Variants in STK39 observed in about 807,000 individuals in gnomAD.
STK39 encodes serine/threonine kinase 39.
A neutral mutation model predicts 77.8 loss-of-function variants in STK39; 20 were observed. That is an observed-to-expected ratio of 0.26 (90% CI 0.18 to 0.37). STK39 has a LOEUF of 0.37. Ranked by LOEUF, STK39 falls within the 10% of genes least tolerant of loss-of-function variation. The pLI, the probability that STK39 is intolerant of heterozygous loss-of-function variation, is 1.00. For missense variants in STK39, 479 were observed against 656.5 expected (o/e 0.73, Z 2.95); for synonymous variants, 246 against 234.1 (o/e 1.05, Z -0.47).
chr2:168,167,745 G>T (rs997296286), intron 2 of STK39, among the ~76,000 whole-genome samples: 4 of 152,130 alleles, frequency 2.6e-5, no homozygotes, highest in Admixed American at 1.3e-4. Context: ...TGAACCGAAG[G>T]CTTGACAGGG....
chr2:168,055,970 AT>A (rs1034842839), intron 14 of STK39, among the ~76,000 whole-genome samples: 1 of 152,120 alleles, frequency 6.6e-6, no homozygotes, highest in African/African-American at 2.4e-5. Flanking sequence ...TGATAATTCA[AT>A]TTTTTTGATA....
intron 16 of STK39, among the ~76,000 whole-genome samples, chr2:167,967,404 C>T (rs906519152): frequency 6.6e-6 from 1 of 152,190 alleles, no homozygotes; most frequent in African/African-American, 2.4e-5. Flanking sequence ...TCCTCCCACC[C>T]GCCTGTCCCT....
intron 1 of STK39, among the ~76,000 whole-genome samples, chr2:168,228,161 C>T (rs1041332557): frequency 6.6e-6 from 1 of 152,132 alleles, no homozygotes; most frequent in African/African-American, 2.4e-5. Context: ...ACACACTTTG[C>T]AGTAATCATA....
intron 17 of STK39, among the ~76,000 whole-genome samples, chr2:167,963,524 A>T (rs66598431): frequency 0.16 from 23,128 of 141,398 alleles, 2,246 homozygotes; most frequent in East Asian, 0.47. Flanking sequence ...CTCTCACATT[A>T]AAAAAAAAAA....
At chr2:168,013,114 GA>G (rs1222446172) in intron 15 of STK39, among the ~76,000 whole-genome samples, 9 of 152,178 alleles carry the variant, frequency 5.9e-5, no homozygotes, top group African/African-American at 2.2e-4. Flanking sequence ...AGCAAAGGTT[GA>G]ATGGGTAGCA....
chr2:168,151,375 C>G (rs1225247157), intron 5 of STK39, among the ~76,000 whole-genome samples: 1 of 152,160 alleles, frequency 6.6e-6, no homozygotes, highest in Non-Finnish European at 1.5e-5. Flanking sequence ...CAACCAGTTT[C>G]CTTCAAATAG....
chr2:168,168,650 TTC>T (rs1395518090), intron 2 of STK39, among the ~76,000 whole-genome samples: 2 of 152,188 alleles, frequency 1.3e-5, no homozygotes, highest in East Asian at 3.8e-4. Context: ...TTGGCCAAAA[TTC>T]TGTAATATGT....
chr2:168,049,277 T>G (rs1039379886), intron 14 of STK39, among the ~76,000 whole-genome samples: 1 of 152,174 alleles, frequency 6.6e-6, no homozygotes, highest in Non-Finnish European at 1.5e-5. Context: ...GGCAGAGAGA[T>G]AGATAAGCTC....
chr2:168,110,741 A>G (rs6711810), intron 10 of STK39, among the ~76,000 whole-genome samples: 14,927 of 152,132 alleles, frequency 0.098, 1,405 homozygotes, highest in African/African-American at 0.24. Flanking sequence ...TTATTGAGTT[A>G]CACTGTATAT....
intron 10 of STK39, among the ~76,000 whole-genome samples, chr2:168,127,534 G>A (rs1255179213): frequency 6.6e-6 from 1 of 152,230 alleles, no homozygotes; most frequent in South Asian, 2.1e-4. Flanking sequence ...CCAAAGGAAA[G>A]TATGGGTTAC....
At chr2:168,151,429 G>A (rs533568589) in intron 5 of STK39, among the ~76,000 whole-genome samples, 9 of 152,148 alleles carry the variant, frequency 5.9e-5, no homozygotes, top group South Asian at 4.2e-4. Context: ...ATCAATTCAC[G>A]ATAGAAAAAT....
At chr2:168,171,351 A>T (rs1688818071) in intron 2 of STK39, among the ~76,000 whole-genome samples, 2 of 152,064 alleles carry the variant, frequency 1.3e-5, no homozygotes, top group South Asian at 4.2e-4. Context: ...CAAACCAGAC[A>T]TTACGCGCGT....
At chr2:168,185,341 C>G (rs964992264) in intron 1 of STK39, among the ~76,000 whole-genome samples, 5 of 152,292 alleles carry the variant, frequency 3.3e-5, no homozygotes, top group Non-Finnish European at 5.9e-5. Context: ...TTTCAGTTCA[C>G]TCTTTTAAGT....
chr2:168,081,732 T>C (rs1326204229), intron 10 of STK39, among the ~76,000 whole-genome samples: 2 of 152,154 alleles, frequency 1.3e-5, no homozygotes, highest in Admixed American at 1.3e-4. Context: ...TTCCCACATG[T>C]CACAGGAGGA....
chr2:168,044,280 T>C (rs1685182434), intron 14 of STK39, among the ~76,000 whole-genome samples: 1 of 152,176 alleles, frequency 6.6e-6, no homozygotes, highest in South Asian at 2.1e-4. Context: ...CTTTCTACAG[T>C]TTCAACACCA....
rs1296725518 is a variant in STK39 at position 168,247,455 on chromosome 2, G to A, written c.-20C>T. The A allele has an allele frequency of 9.1e-6, 12 of 1,313,734 alleles. No individual in the cohort carries two copies. Among genetic ancestry groups the A allele is most frequent in the South Asian group, 1.7e-5 (1 of 59,864 alleles). 81.4% of individuals were successfully genotyped at this position (1,313,734 alleles called of 1,614,324 possible). A position where few individuals can be genotyped will look rare whatever the true frequency, so the allele number is the denominator to read the frequency against. Reference sequence around the variant, plus strand: ...CGCCATGATGCTGCGGAGGAGAGCAGGAGGACGCGCCGGCCGACGGACGAC... The same window carrying A: ...CGCCATGATGCTGCGGAGGAGAGCAAGAGGACGCGCCGGCCGACGGACGAC... On this transcript the variant is annotated 5_prime_UTR_variant, in exon 1 of 18. Transcript: ENST00000355999.
intron 8 of STK39, among the ~76,000 whole-genome samples, chr2:168,130,233 T>C (rs1687644176): frequency 6.6e-6 from 1 of 152,204 alleles, no homozygotes. Flanking sequence ...TCAATAAACC[T>C]GTCTCAAGTG....
chr2:168,209,492 C>G (rs1191472941), intron 1 of STK39, among the ~76,000 whole-genome samples: 1 of 151,794 alleles, frequency 6.6e-6, no homozygotes, highest in Non-Finnish European at 1.5e-5. Context: ...GCCTGACCAA[C>G]ATGGAGAAAC....
chr2:168,173,826 G>A lies in STK39; in HGVS notation c.322-6419C>T, dbSNP rs369401551. On this transcript the variant is annotated intron_variant, in intron 2 of 17. Transcript: ENST00000355999. ...AGCCTCCCAAAGTGCTGGGATTACA[G>A]GCGTGAGCCACCGCACCCAGTCATG... Among the ~76,000 whole-genome samples the A allele has an allele frequency of 4.0e-4, 61 of 152,320 alleles. No homozygotes were observed. The East Asian group carries it at 9.5e-3, about 24-fold the overall frequency.
Sources: gnomAD v4.1 joint callset for allele counts (sites outside exome capture counted in the v4.1 genomes callset) on GRCh38, gnomAD v4.1.1 for gene constraint, MANE v1.5 for transcripts, NCBI Gene and HGNC (gene_info 2026-07-23, HGNC 2026-07-21) for gene names.